Variants in RHOT1 observed in about 807,000 individuals in gnomAD.
RHOT1 encodes ras homolog family member T1.
A neutral mutation model predicts 95.3 loss-of-function variants in RHOT1; 27 were observed. The ratio of observed to expected loss-of-function variants is 0.28; its 90% CI spans 0.21 to 0.39. RHOT1 has a LOEUF of 0.39. Ranked by LOEUF, RHOT1 falls within the 10% of genes least tolerant of loss-of-function variation. The pLI is 1.00. For missense variants in RHOT1, 578 were observed against 786.7 expected, an observed-to-expected ratio of 0.73 and a Z score of 3.17; for synonymous variants, 227 against 263.5, an observed-to-expected ratio of 0.86 and a Z score of 1.34.
At position 32,224,648 on chromosome 17, in the gene RHOT1, C is replaced by T. The variant is rs147592052; in HGVS notation, c.1895C>T (p.Thr632Met). 8.4e-5 allele frequency: 136 copies of T among 1,613,494 alleles called. 1 individual carries two copies. The South Asian group carries it at 1.3e-3, about 15-fold the overall frequency. The change falls in exon 20 of 20, where the codon ACG becomes ATG. Residue 632 changes from threonine (T) to methionine (M), a missense_variant. By Grantham distance (81) the Thr-to-Met change is moderately conservative. Coordinates refer to ENST00000545287, the MANE Select transcript of RHOT1 (RefSeq NM_001033566.3). Reference sequence around the variant, plus strand: ...ACACAAGCTGACCTCAAGAGCTCCACGTTTTGGCTTCGAGCAAGTTTTGGT... The same window carrying T: ...ACACAAGCTGACCTCAAGAGCTCCATGTTTTGGCTTCGAGCAAGTTTTGGT... ...HVTQADLKSS[T>M]FWLRASFGAT...
rs144087393 is a variant in RHOT1, at chr17:32,162,133, G to A, written c.38-8910G>A. Among the ~76,000 whole-genome samples the A allele has an allele frequency of 4.9e-4, 74 of 152,226 alleles. No homozygotes were observed. In the Middle Eastern group the frequency reaches 0.01, roughly 21 times the overall value. ...GCTGTTTCCCTGTTGGAGGTTTTGGGGTGGGGCTGAGAGTTCTGACCCTCT... is the reference window on the plus strand; with the variant it reads ...GCTGTTTCCCTGTTGGAGGTTTTGGAGTGGGGCTGAGAGTTCTGACCCTCT... On this transcript the variant is annotated intron_variant, in intron 1 of 19. Transcript: ENST00000545287.
intron 1 of RHOT1, among the ~76,000 whole-genome samples, chr17:32,154,269 C>T (rs1297513354): frequency 2.1e-5 from 3 of 144,632 alleles, no homozygotes; most frequent in Admixed American, 1.4e-4. Flanking sequence ...AGGGAGACCC[C>T]GTCTCTACGA....
chr17:32,209,480 T>C (rs987867643), intron 18 of RHOT1: 2 of 1,236,662 alleles, frequency 1.6e-6, no homozygotes, highest in African/African-American at 1.5e-5. Context: ...TCTGTGGGAT[T>C]TTGTTGATAT....
chr17:32,153,524 G>A (rs761839344), intron 1 of RHOT1, among the ~76,000 whole-genome samples: 3 of 152,350 alleles, frequency 2.0e-5, no homozygotes, highest in Non-Finnish European at 4.4e-5. Context: ...GCTGGGTAAG[G>A]TGGCATGCAC....
chr17:32,196,134 G>A lies in RHOT1; in HGVS notation c.869+2027G>A, dbSNP rs114656790. Among the ~76,000 whole-genome samples the A allele has an allele frequency of 7.3e-3, 1,102 of 151,314 alleles. 13 individuals are homozygous for A. The highest frequency in any genetic ancestry group is 0.026 in the African/African-American group (1,065 of 41,152). Reference sequence around the variant, plus strand: ...GTAGTGGATAAATAAATAAAAATTTGGCTCTGTCACTTCCCTTCAAGACAC... The same window carrying A: ...GTAGTGGATAAATAAATAAAAATTTAGCTCTGTCACTTCCCTTCAAGACAC... On this transcript the variant is annotated intron_variant, in intron 11 of 19. Transcript: ENST00000545287.
chr17:32,165,413 C>T (rs1598327169), intron 1 of RHOT1, among the ~76,000 whole-genome samples: 1 of 147,208 alleles, frequency 6.8e-6, no homozygotes, highest in Non-Finnish European at 1.5e-5. Context: ...ATCCCAGCTA[C>T]TCAAGAGACT....
At position 32,200,944 on chromosome 17, in the gene RHOT1, T is replaced by C. The variant is rs201993856; in HGVS notation, c.1101-12T>C. 2 of 1,593,590 alleles carry C rather than the reference T, an allele frequency of 1.3e-6. No homozygotes were observed. Among genetic ancestry groups the C allele is most frequent in the Admixed American group, 1.7e-5 (1 of 59,338 alleles). ...AGGAACTTTTCACATTTTAAACTCT[T>C]TTCTTTCATAGGCTCACGACTTATT... On this transcript the variant is annotated splice_polypyrimidine_tract_variant and intron_variant, in intron 13 of 19. Transcript: ENST00000545287.
intron 19 of RHOT1, among the ~76,000 whole-genome samples, chr17:32,212,223 T>C (rs544973508): frequency 6.6e-6 from 1 of 152,364 alleles, no homozygotes; most frequent in East Asian, 1.9e-4. Context: ...CCATAGTTTG[T>C]ATCCACCAGC....
At chr17:32,149,609 A>ATATATATATG (rs2031930503) in intron 1 of RHOT1, among the ~76,000 whole-genome samples, 1 of 76,964 alleles carries the variant, frequency 1.3e-5, no homozygotes, top group Admixed American at 1.2e-4. Context: ...ATATATATAT[A>ATATATATATG]TATATATATA....
chr17:32,149,754 T>C lies in RHOT1; in HGVS notation c.37+7025T>C, dbSNP rs537655591. 2.3e-4 allele frequency among the ~76,000 whole-genome samples: 34 copies of C among 147,684 alleles called. No individual in the cohort carries two copies. In the South Asian group the frequency reaches 3.4e-3, roughly 15 times the overall value. ...ATATATATACACACACACACACACA[T>C]ATATATATAGAGAGAAGAGAGTCTC... On this transcript the variant is annotated intron_variant, in intron 1 of 19. Coordinates refer to ENST00000545287, the MANE Select transcript of RHOT1 (RefSeq NM_001033566.3).
At chr17:32,186,403 G>T (rs374571605) in intron 8 of RHOT1, among the ~76,000 whole-genome samples, 2 of 142,760 alleles carry the variant, frequency 1.4e-5, no homozygotes, top group East Asian at 2.0e-4. Context: ...TTGCTCTGTC[G>T]CCCAGGCTGG....
chr17:32,181,989 T>C (rs2035671958), intron 6 of RHOT1, among the ~76,000 whole-genome samples: 1 of 152,206 alleles, frequency 6.6e-6, no homozygotes, highest in Admixed American at 6.5e-5. Flanking sequence ...TCCTCCTCGC[T>C]TGCTCTTCCC....
rs2030504437 is a variant in RHOT1 at position 32,142,593 on chromosome 17, G to T, written c.-100G>T. Reference sequence around the variant, plus strand: ...GGGGGCGGCGCGGCGGGCCCCGGCGGCCGAAGAGGCTGGCAGGTGGCGCCG... The same window carrying T: ...GGGGGCGGCGCGGCGGGCCCCGGCGTCCGAAGAGGCTGGCAGGTGGCGCCG... On this transcript the variant is annotated 5_prime_UTR_variant, in exon 1 of 20. Transcript: ENST00000545287. The T allele has an allele frequency of 3.8e-6, 4 of 1,065,736 alleles. No individual in the cohort carries two copies. The highest frequency in any genetic ancestry group is 3.8e-6 in the Non-Finnish European group (3 of 787,716). 66.0% of individuals were successfully genotyped at this position (1,065,736 alleles called of 1,614,324 possible).
chr17:32,194,466 C>T (rs2036718823), intron 11 of RHOT1, among the ~76,000 whole-genome samples: 1 of 152,196 alleles, frequency 6.6e-6, no homozygotes, highest in South Asian at 2.1e-4. Context: ...AGTATAGGAT[C>T]TTTACCACAT....
intron 7 of RHOT1, 30 bp from the exon 8 acceptor site, chr17:32,183,141 A>G: frequency 6.6e-7 from 1 of 1,511,878 alleles, no homozygotes; most frequent in Non-Finnish European, 9.1e-7. Flanking sequence ...CTCATAATTG[A>G]TTTCAGAGTG....
intron 6 of RHOT1, among the ~76,000 whole-genome samples, chr17:32,177,560 C>G (rs1452330231): frequency 6.6e-6 from 1 of 151,948 alleles, no homozygotes; most frequent in Non-Finnish European, 1.5e-5. Context: ...TCGAGACCAT[C>G]CTGGCTAACA....
At chr17:32,167,083 T>C (rs1250506148) in intron 1 of RHOT1, among the ~76,000 whole-genome samples, 18 of 152,228 alleles carry the variant, frequency 1.2e-4, no homozygotes, top group Admixed American at 1.2e-3. Flanking sequence ...AACCATGGAC[T>C]GCAGACTGGA....
At position 32,180,697 on chromosome 17, in the gene RHOT1, C is replaced by CAA. The variant is rs34530711; in HGVS notation, c.330-2041_330-2040dup. On this transcript the variant is annotated intron_variant, in intron 6 of 19. Coordinates refer to ENST00000545287, the MANE Select transcript of RHOT1 (RefSeq NM_001033566.3). ...ATAAATGCTTATTTTTGTTTTAAGC[C>CAA]AAAAAAAAAAAAAAAAAAAAGAGGG... 1.3e-3 allele frequency among the ~76,000 whole-genome samples: 103 copies of CAA among 77,718 alleles called. 1 individual carries two copies. The highest frequency in any genetic ancestry group is 3.3e-3 in the African/African-American group (82 of 24,708). The allele number at this position is 77,718 out of a possible 152,430, so 51.0% of individuals were successfully genotyped here. A position where few individuals can be genotyped will look rare whatever the true frequency, so the allele number is the denominator to read the frequency against.
At position 32,202,750 on chromosome 17, in the gene RHOT1, T is replaced by A. The variant is rs750174648; in HGVS notation, c.1202-20T>A. ...AAGTGGTACATATTTAGTGGGGTTT[T>A]TTATTATTATTATTTTTAGTGACAA... On this transcript the variant is annotated intron_variant, in intron 14 of 19. Transcript: ENST00000545287. 15 of 1,540,842 alleles carry A rather than the reference T, an allele frequency of 9.7e-6. No homozygotes were observed. Among genetic ancestry groups the A allele is most frequent in the African/African-American group, 2.8e-5 (2 of 71,714 alleles).
Sources: gnomAD v4.1 joint callset for allele counts (sites outside exome capture counted in the v4.1 genomes callset) on GRCh38, gnomAD v4.1.1 for gene constraint, MANE v1.5 for transcripts, NCBI Gene and HGNC (gene_info 2026-07-23, HGNC 2026-07-21) for gene names.